Variants in GPHN observed in about 807,000 individuals in gnomAD.
The protein encoded by GPHN is gephyrin.
Under a neutral mutation model 95.5 loss-of-function variants are expected in GPHN, and 17 were observed. The observed-to-expected ratio is 0.18, with a 90% CI of 0.12 to 0.27. GPHN has a LOEUF of 0.27. Ranked by LOEUF, GPHN falls within the 10% of genes least tolerant of loss-of-function variation. The probability of loss-of-function intolerance (pLI) is 1.00; values close to 1 mark genes in which losing one functional copy is unlikely to be tolerated. For synonymous variants in GPHN, 320 were observed against 322.5 expected, an observed-to-expected ratio of 0.99 and a Z score of 0.08; for missense variants, 660 against 978.1, an observed-to-expected ratio of 0.67 and a Z score of 4.34.
At chr14:67,142,352 C>T (rs1349871247) in intron 17 of GPHN, among the ~76,000 whole-genome samples, 2 of 152,124 alleles carry the variant, frequency 1.3e-5, no homozygotes, top group African/African-American at 4.8e-5. Context: ...TCATCCTGTC[C>T]CTTCATAAGT....
chr14:66,990,582 G>C (rs939336556), intron 9 of GPHN, among the ~76,000 whole-genome samples: 2 of 152,058 alleles, frequency 1.3e-5, no homozygotes, highest in Non-Finnish European at 2.9e-5. Flanking sequence ...ATTACTATTA[G>C]AGTATCATCA....
chr14:66,719,986 T>C (rs1293884352), intron 2 of GPHN, among the ~76,000 whole-genome samples: 1 of 152,208 alleles, frequency 6.6e-6, no homozygotes, highest in African/African-American at 2.4e-5. Flanking sequence ...TCTTATTTTT[T>C]ATTGTTTTTT....
the GPHN span, chr14:67,559,774 T>A: frequency 3.5e-6 from 3 of 857,038 alleles, no homozygotes; most frequent in South Asian, 4.3e-5. Flanking sequence ...CCCCCTACTG[T>A]CTAGGGTGCC....
At chr14:66,741,421 A>C (rs117590594) in intron 2 of GPHN, among the ~76,000 whole-genome samples, 2,920 of 152,300 alleles carry the variant, frequency 0.019, 46 homozygotes, top group Middle Eastern at 0.061. Flanking sequence ...TAGAGGATAT[A>C]TATGTATGTA....
intron 2 of GPHN, among the ~76,000 whole-genome samples, chr14:66,736,509 C>T (rs912070598): frequency 1.3e-5 from 2 of 151,242 alleles, no homozygotes; most frequent in Non-Finnish European, 2.9e-5. Context: ...AGTGATTCTC[C>T]TGCCTCAGCC....
At chr14:66,558,983 T>G (rs1170389182) in intron 1 of GPHN, among the ~76,000 whole-genome samples, 1 of 150,500 alleles carries the variant, frequency 6.6e-6, no homozygotes, top group African/African-American at 2.4e-5. Flanking sequence ...TGAGAATATG[T>G]GGTGTTTGGT....
chr14:67,068,102 A>G (rs1290367584), intron 11 of GPHN, among the ~76,000 whole-genome samples: 2 of 151,730 alleles, frequency 1.3e-5, no homozygotes, highest in East Asian at 3.9e-4. Flanking sequence ...AGTCCCAGTG[A>G]TATTCTTAAA....
chr14:67,584,219 C>A, the GPHN span: 1 of 1,228,444 alleles, frequency 8.1e-7, no homozygotes, highest in Non-Finnish European at 1.2e-6. Context: ...ACCTCCATAC[C>A]AGTAACCACC....
intron 9 of GPHN, among the ~76,000 whole-genome samples, chr14:66,972,868 A>G (rs1440051359): frequency 1.3e-5 from 2 of 152,182 alleles, no homozygotes; most frequent in Non-Finnish European, 2.9e-5. Flanking sequence ...GATTGTTCAT[A>G]CTACTTGGAT....
the GPHN span, chr14:67,365,051 A>G: frequency 2.6e-6 from 4 of 1,527,834 alleles, no homozygotes; most frequent in Admixed American, 4.3e-5. Flanking sequence ...CAGATTTAAA[A>G]TGGTTTATTT....
intron 8 of GPHN, among the ~76,000 whole-genome samples, chr14:66,940,138 CTT>C (rs1019297938): frequency 4.6e-5 from 7 of 151,682 alleles, no homozygotes; most frequent in Admixed American, 4.6e-4. Flanking sequence ...GAAATTAACT[CTT>C]CTCAGTTTGG....
At chr14:67,391,667 G>T in the GPHN span, among the ~76,000 whole-genome samples, 2 of 152,210 alleles carry the variant, frequency 1.3e-5, no homozygotes, top group African/African-American at 4.8e-5. Context: ...CGAAGGCTGT[G>T]CAAAATGTCT....
chr14:67,557,515 T>TG, the GPHN span: 1 of 1,153,818 alleles, frequency 8.7e-7, no homozygotes, highest in Non-Finnish European at 1.2e-6. Flanking sequence ...CCTCTAGTGC[T>TG]GGGGAACTCG....
chr14:67,139,344 C>T (rs755116563), intron 17 of GPHN, among the ~76,000 whole-genome samples: 5 of 152,100 alleles, frequency 3.3e-5, no homozygotes, highest in Non-Finnish European at 5.9e-5. Flanking sequence ...AAGCAATCCT[C>T]TCACATCAGC....
chr14:66,552,299 C>T (rs994057232), intron 1 of GPHN, among the ~76,000 whole-genome samples: 17 of 152,358 alleles, frequency 1.1e-4, no homozygotes, highest in Admixed American at 3.9e-4. Flanking sequence ...CATCCTGCTT[C>T]CAGCTTCTAA....
chr14:66,718,625 C>T (rs1168822639), intron 2 of GPHN, among the ~76,000 whole-genome samples: 1 of 152,018 alleles, frequency 6.6e-6, no homozygotes, highest in Admixed American at 6.6e-5. Flanking sequence ...CTGATTGGTG[C>T]GTTTACAATC....
At chr14:66,689,969 T>TAAAATTGG (rs2153405976) in intron 2 of GPHN, among the ~76,000 whole-genome samples, 2 of 152,168 alleles carry the variant, frequency 1.3e-5, no homozygotes, top group African/African-American at 4.8e-5. Flanking sequence ...TAGCTAGTAG[T>TAAAATTGG]TTGGCAATTT....
the GPHN span, chr14:67,586,144 G>A: frequency 1.2e-6 from 2 of 1,602,636 alleles, no homozygotes; most frequent in African/African-American, 1.3e-5. Context: ...AAGATGTGGT[G>A]GGCTTGGAGC....
At chr14:67,128,695 G>T (rs1197523277) in intron 17 of GPHN, among the ~76,000 whole-genome samples, 1 of 152,070 alleles carries the variant, frequency 6.6e-6, no homozygotes, top group East Asian at 1.9e-4. Flanking sequence ...CCAGCACTTT[G>T]GGAGGCCAAG....
Sources: gnomAD v4.1 joint callset for allele counts (sites outside exome capture counted in the v4.1 genomes callset) on GRCh38, gnomAD v4.1.1 for gene constraint, MANE v1.5 for transcripts, NCBI Gene and HGNC (gene_info 2026-07-23, HGNC 2026-07-21) for gene names.